The following MRPL1 variants were observed in gnomAD, a reference collection of about 807,000 sequenced individuals.
MRPL1 encodes large ribosomal subunit protein uL1m.
A neutral mutation model predicts 38.0 loss-of-function variants in MRPL1; 28 were observed. The observed-to-expected ratio is 0.74, with a 90% CI of 0.55 to 1.01. MRPL1 has a LOEUF of 1.01. Ranked by LOEUF, MRPL1 falls within the 50% of genes least tolerant of loss-of-function variation. MRPL1 has a pLI of 0.00. For missense variants in MRPL1, 358 were observed against 389.8 expected (o/e 0.92, Z 0.69); for synonymous variants, 123 against 126.7 (o/e 0.97, Z 0.20).
chr4:77,879,060 C>T (rs990176921), intron 2 of MRPL1, among the ~76,000 whole-genome samples: 1 of 152,092 alleles, frequency 6.6e-6, no homozygotes, highest in Non-Finnish European at 1.5e-5. Flanking sequence ...ATTCAGACTG[C>T]CAGGTGTTTG....
Position 77,869,231 on chromosome 4 carries a change from A to T in MRPL1, c.32-2513A>T, listed in dbSNP as rs550242496. 9.9e-5 allele frequency among the ~76,000 whole-genome samples: 15 copies of T among 152,274 alleles called. No homozygotes were observed. The South Asian group carries it at 3.1e-3, about 32-fold the overall frequency. The stretch of plus-strand genomic sequence containing the variant: ...TTAAAAGAGATAAGAAAGGAGAGGG[A>T]GTTGTTTCTATCTCATTGCCACGGG... On this transcript the variant is annotated intron_variant, in intron 1 of 8. Coordinates refer to ENST00000315567, the MANE Select transcript of MRPL1 (RefSeq NM_020236.4).
At chr4:77,918,528 A>G (rs1369514967) in intron 7 of MRPL1, among the ~76,000 whole-genome samples, 1 of 152,138 alleles carries the variant, frequency 6.6e-6, no homozygotes, top group Non-Finnish European at 1.5e-5. Flanking sequence ...TCTTACAAGC[A>G]TGTGAGCTAT....
chr4:77,918,498 G>A (rs770205829), intron 7 of MRPL1, among the ~76,000 whole-genome samples: 3 of 152,130 alleles, frequency 2.0e-5, no homozygotes, highest in Non-Finnish European at 4.4e-5. Context: ...GAGGCAAGAG[G>A]AGATACAGAA....
At position 77,915,044 on chromosome 4, in the gene MRPL1, C is replaced by T. The variant is rs548970917; in HGVS notation, c.777+5672C>T. 2.6e-4 allele frequency among the ~76,000 whole-genome samples: 39 copies of T among 152,276 alleles called. 1 individual carries two copies. The highest frequency in any genetic ancestry group is 8.7e-4 in the African/African-American group (36 of 41,550). On this transcript the variant is annotated intron_variant, in intron 7 of 8. Coordinates refer to ENST00000315567, the MANE Select transcript of MRPL1 (RefSeq NM_020236.4). ...TATCTGGCTCTTGATTTGCTGACTT[C>T]TGATCTAGAAAGATGTTTTTTGGGA...
intron 7 of MRPL1, among the ~76,000 whole-genome samples, chr4:77,922,274 G>A (rs780495197): frequency 6.6e-6 from 1 of 152,144 alleles, no homozygotes; most frequent in Non-Finnish European, 1.5e-5. Flanking sequence ...AGTGACCGAA[G>A]GAAGGCGTTA....
intron 2 of MRPL1, among the ~76,000 whole-genome samples, chr4:77,875,228 C>T (rs1735365422): frequency 6.6e-6 from 1 of 152,122 alleles, no homozygotes; most frequent in African/African-American, 2.4e-5. Flanking sequence ...GTCTGTGATA[C>T]AACTTCTGAT....
chr4:77,940,840 A>G (rs868472122), intron 7 of MRPL1, among the ~76,000 whole-genome samples: 1 of 152,182 alleles, frequency 6.6e-6, no homozygotes, highest in African/African-American at 2.4e-5. Flanking sequence ...TATGTGGTGT[A>G]TCACATTTAT....
At chr4:77,865,427 CTT>C (rs35296658) in intron 1 of MRPL1, among the ~76,000 whole-genome samples, 3 of 144,626 alleles carry the variant, frequency 2.1e-5, no homozygotes, top group Admixed American at 1.4e-4. Flanking sequence ...ATCCTTGACT[CTT>C]TTTTTTTTTT....
chr4:77,925,660 T>A lies in MRPL1; in HGVS notation c.777+16288T>A, dbSNP rs1398694288. Among the ~76,000 whole-genome samples the A allele has an allele frequency of 3.5e-4, 53 of 151,926 alleles. 1 individual carries two copies. The highest frequency in any genetic ancestry group is 3.5e-3 in the Admixed American group (53 of 15,244). On this transcript the variant is annotated intron_variant, in intron 7 of 8. Transcript: ENST00000315567. ...AGTTATATATGAGATTTGTGAGGTT[T>A]TTTTTTTTTAAATGATGAAAGAGTT...
intron 7 of MRPL1, among the ~76,000 whole-genome samples, chr4:77,926,842 C>G (rs929635666): frequency 6.6e-6 from 1 of 152,036 alleles, no homozygotes; most frequent in Non-Finnish European, 1.5e-5. Context: ...CTCCTGGCCT[C>G]AAGTGATCCA....
chr4:77,928,873 G>A (rs992519450), intron 7 of MRPL1, among the ~76,000 whole-genome samples: 1 of 152,018 alleles, frequency 6.6e-6, no homozygotes, highest in Non-Finnish European at 1.5e-5. Context: ...TTTCCCAGAA[G>A]TTTTGGAAAT....
intron 5 of MRPL1, 108 bp from the exon 6 acceptor site, chr4:77,894,031 C>T (rs2110240571): frequency 1.5e-6 from 1 of 681,988 alleles, no homozygotes; most frequent in Non-Finnish European, 2.6e-6. Context: ...AAGAATTGTG[C>T]TTAATGTCTG....
intron 8 of MRPL1, among the ~76,000 whole-genome samples, chr4:77,951,297 ATT>A (rs1166668445): frequency 6.6e-6 from 1 of 152,242 alleles, no homozygotes; most frequent in Non-Finnish European, 1.5e-5. Flanking sequence ...TTAAATAAAT[ATT>A]TATAACATTT....
intron 7 of MRPL1, among the ~76,000 whole-genome samples, chr4:77,945,655 AAG>A (rs1737244851): frequency 6.6e-6 from 1 of 152,052 alleles, no homozygotes; most frequent in Non-Finnish European, 1.5e-5. Flanking sequence ...AAAGAGTATA[AAG>A]AGAGGAATTT....
intron 7 of MRPL1, among the ~76,000 whole-genome samples, chr4:77,920,811 G>T (rs1736554568): frequency 6.6e-6 from 1 of 151,788 alleles, no homozygotes; most frequent in Non-Finnish European, 1.5e-5. Context: ...CCCCACAATG[G>T]AGTGCAAGTG....
chr4:77,949,482 G>T (rs111285959), intron 7 of MRPL1, among the ~76,000 whole-genome samples: 3 of 152,022 alleles, frequency 2.0e-5, no homozygotes, highest in African/African-American at 4.8e-5. Context: ...TGTTTTCTTG[G>T]GGGGTGCGTG....
At chr4:77,906,263 T>TA (rs1736156274) in intron 6 of MRPL1, among the ~76,000 whole-genome samples, 1 of 151,992 alleles carries the variant, frequency 6.6e-6, no homozygotes, top group Non-Finnish European at 1.5e-5. Context: ...TGCTGATAGG[T>TA]CAAGTCAGAG....
At position 77,909,282 on chromosome 4, in the gene MRPL1, C is replaced by T. The variant is rs1736232152; in HGVS notation, c.687C>T (p.Asp229=). 3 of 1,608,810 alleles carry T rather than the reference C, an allele frequency of 1.9e-6. No homozygotes were observed. The highest frequency in any genetic ancestry group is 2.5e-6 in the Non-Finnish European group (3 of 1,177,190). Residue 229 remains aspartate, a synonymous_variant, in exon 7 of 9, where the codon GAC becomes GAT. Transcript: ENST00000315567. The part of the protein sequence containing the change: ...PKLSRNSIGR[D]IPKMLELFKN... ...TCTAACTAGATTCCATTGGCCGTGA[C>T]ATCCCCAAAATGCTTGAATTATTTA...
chr4:77,922,281 G>A (rs976037432), intron 7 of MRPL1, among the ~76,000 whole-genome samples: 1 of 152,304 alleles, frequency 6.6e-6, no homozygotes, highest in East Asian at 1.9e-4. Flanking sequence ...GAAGGAAGGC[G>A]TTACATGCAG....
Sources: gnomAD v4.1 joint callset for allele counts (sites outside exome capture counted in the v4.1 genomes callset) on GRCh38, gnomAD v4.1.1 for gene constraint, MANE v1.5 for transcripts, NCBI Gene and HGNC (gene_info 2026-07-23, HGNC 2026-07-21) for gene names.